Variants in SORCS1 observed in about 807,000 individuals in gnomAD.
The protein encoded by SORCS1 is VPS10 domain-containing receptor SorCS1.
Under a neutral mutation model 146.1 loss-of-function variants are expected in SORCS1, and 60 were observed. That is an observed-to-expected ratio of 0.41 (90% CI 0.33 to 0.51). The LOEUF (loss-of-function observed/expected upper bound fraction) is 0.51, where lower values mean the gene tolerates loss of function less well. Among genes scored for constraint, SORCS1 ranks in the 20% least tolerant of loss-of-function variants. The pLI is 0.21. For synonymous variants in SORCS1, 637 were observed against 584.0 expected, an observed-to-expected ratio of 1.09 and a Z score of -1.31; for missense variants, 1,352 against 1,487.6, an observed-to-expected ratio of 0.91 and a Z score of 1.50.
chr10:106,656,503 C>T (rs1366973953), intron 17 of SORCS1, among the ~76,000 whole-genome samples: 1 of 151,956 alleles, frequency 6.6e-6, no homozygotes, highest in African/African-American at 2.4e-5. Flanking sequence ...TTGCAGTGAG[C>T]TGAGATTGCA....
intron 1 of SORCS1, among the ~76,000 whole-genome samples, chr10:107,094,128 ATG>A (rs1964394506): frequency 6.6e-6 from 1 of 152,128 alleles, no homozygotes; most frequent in African/African-American, 2.4e-5. Context: ...TATTTCACTA[ATG>A]TATATATTTT....
intron 1 of SORCS1, among the ~76,000 whole-genome samples, chr10:107,008,041 T>G (rs1042671868): frequency 2.0e-5 from 3 of 147,052 alleles, no homozygotes; most frequent in Non-Finnish European, 4.4e-5. Context: ...ATTATTCACA[T>G]TAGAAATGGA....
chr10:106,804,045 C>T (rs912977152), intron 3 of SORCS1, among the ~76,000 whole-genome samples: 3 of 152,108 alleles, frequency 2.0e-5, no homozygotes, highest in Non-Finnish European at 4.4e-5. Flanking sequence ...ATTTCCAAAC[C>T]TGAGTGTTTC....
chr10:106,622,311 A>G (rs970646100), intron 19 of SORCS1, among the ~76,000 whole-genome samples: 43 of 151,698 alleles, frequency 2.8e-4, no homozygotes, highest in African/African-American at 9.9e-4. Context: ...AAAAAAAAAA[A>G]AAGATTCCCA....
intron 4 of SORCS1, among the ~76,000 whole-genome samples, chr10:106,762,323 A>G (rs1321786230): frequency 6.6e-6 from 1 of 150,996 alleles, no homozygotes; most frequent in African/African-American, 2.4e-5. Context: ...ATAATTACAC[A>G]TTATTCAGGC....
chr10:106,886,449 T>TCA (rs374953418), intron 2 of SORCS1, among the ~76,000 whole-genome samples: 101 of 151,776 alleles, frequency 6.7e-4, no homozygotes, highest in African/African-American at 1.2e-3. Flanking sequence ...GAATCAAACA[T>TCA]CACACACACA....
chr10:106,868,171 C>G (rs912785363), intron 2 of SORCS1, among the ~76,000 whole-genome samples: 1 of 152,126 alleles, frequency 6.6e-6, no homozygotes, highest in South Asian at 2.1e-4. Flanking sequence ...TATATACACA[C>G]CCAACACAGG....
chr10:106,751,099 G>A (rs756012573), intron 5 of SORCS1, among the ~76,000 whole-genome samples: 86 of 130,856 alleles, frequency 6.6e-4, no homozygotes, highest in Non-Finnish European at 1.1e-3. Context: ...AAAAAATGCG[G>A]AGGAGGTGCA....
At chr10:106,988,849 T>C (rs1956609106) in intron 1 of SORCS1, among the ~76,000 whole-genome samples, 1 of 152,260 alleles carries the variant, frequency 6.6e-6, no homozygotes, top group Non-Finnish European at 1.5e-5. Flanking sequence ...CTTAAAACTA[T>C]AGTATACTAA....
At chr10:106,887,804 T>G (rs1204087105) in intron 2 of SORCS1, among the ~76,000 whole-genome samples, 1 of 152,206 alleles carries the variant, frequency 6.6e-6, no homozygotes, top group Admixed American at 6.5e-5. Flanking sequence ...CTATTATTTT[T>G]TCATTACAAA....
intron 1 of SORCS1, among the ~76,000 whole-genome samples, chr10:106,971,971 T>G (rs1955807215): frequency 6.6e-6 from 1 of 152,198 alleles, no homozygotes; most frequent in South Asian, 2.1e-4. Context: ...TGCAAGAGGT[T>G]GAAAGGGCTG....
intron 1 of SORCS1, among the ~76,000 whole-genome samples, chr10:107,091,717 G>A (rs1565030015): frequency 6.6e-6 from 1 of 152,078 alleles, no homozygotes; most frequent in Non-Finnish European, 1.5e-5. Context: ...TAGAGTAACT[G>A]CTGGAGACCC....
rs749174613 is a variant in SORCS1, at chr10:106,963,110, A to ATTTTTTTTTTTTTTTTTTTTTT, written c.559-6552_559-6531dup. ...AAGAGAGCAGTGTTCAATGGCCAGAATTTTTTTTTTTTTTTTTTTTTTTTT... is the reference window on the plus strand; with the variant it reads ...AAGAGAGCAGTGTTCAATGGCCAGAATTTTTTTTTTTTTTTTTTTTTTTTTTTTTTTTTTTTTTTTTTTTTTT... On this transcript the variant is annotated intron_variant, in intron 1 of 25. Transcript: ENST00000263054. 2.1e-4 allele frequency among the ~76,000 whole-genome samples: 16 copies of ATTTTTTTTTTTTTTTTTTTTTT among 76,308 alleles called. 2 individuals are homozygous for ATTTTTTTTTTTTTTTTTTTTTT. The highest frequency in any genetic ancestry group is 8.8e-4 in the East Asian group (2 of 2,284). The allele number at this position is 76,308 out of a possible 152,430, so 50.1% of individuals were successfully genotyped here.
chr10:106,733,988 A>G (rs937499401), intron 5 of SORCS1, among the ~76,000 whole-genome samples: 1 of 152,206 alleles, frequency 6.6e-6, no homozygotes, highest in African/African-American at 2.4e-5. Context: ...AGTACAGAGA[A>G]GCAAGTTTTC....
At chr10:107,131,546 AC>A (rs1216257401) in intron 1 of SORCS1, among the ~76,000 whole-genome samples, 1 of 151,678 alleles carries the variant, frequency 6.6e-6, no homozygotes, top group African/African-American at 2.4e-5. Flanking sequence ...AACATGGCGA[AC>A]CCCCCCATCT....
intron 5 of SORCS1, among the ~76,000 whole-genome samples, chr10:106,737,979 T>C (rs1244525589): frequency 6.6e-6 from 1 of 152,232 alleles, no homozygotes. Flanking sequence ...ATCTTGGAGA[T>C]GGTTCCATAC....
intron 3 of SORCS1, among the ~76,000 whole-genome samples, chr10:106,795,061 T>A (rs1004560729): frequency 1.3e-5 from 2 of 152,240 alleles, no homozygotes; most frequent in African/African-American, 4.8e-5. Context: ...TGGGTGTTCA[T>A]TATGATTTGA....
At chr10:106,622,868 T>C (rs1847843062) in intron 19 of SORCS1, among the ~76,000 whole-genome samples, 1 of 152,214 alleles carries the variant, frequency 6.6e-6, no homozygotes. Flanking sequence ...TGGAAGTGTT[T>C]GAAAGAACCT....
chr10:106,879,604 G>C (rs962253843), intron 2 of SORCS1, among the ~76,000 whole-genome samples: 1 of 152,178 alleles, frequency 6.6e-6, no homozygotes, highest in African/African-American at 2.4e-5. Context: ...TATCCAGGCC[G>C]ACCTGATATA....
Sources: gnomAD v4.1 joint callset for allele counts (sites outside exome capture counted in the v4.1 genomes callset) on GRCh38, gnomAD v4.1.1 for gene constraint, MANE v1.5 for transcripts, NCBI Gene and HGNC (gene_info 2026-07-23, HGNC 2026-07-21) for gene names.